The following HIVEP2 variants were observed in gnomAD, a reference collection of about 807,000 sequenced individuals.
HIVEP2 encodes transcription factor HIVEP2.
Under a neutral mutation model 180.7 loss-of-function variants are expected in HIVEP2, and 14 were observed. The ratio of observed to expected loss-of-function variants is 0.08; its 90% CI spans 0.05 to 0.12. HIVEP2 has a LOEUF of 0.12. Among genes scored for constraint, HIVEP2 ranks in the 10% least tolerant of loss-of-function variants. The probability of loss-of-function intolerance (pLI) is 1.00; values close to 1 mark genes in which losing one functional copy is unlikely to be tolerated. For synonymous variants in HIVEP2, 1,184 were observed against 1,136.4 expected (o/e 1.04, Z -0.84); for missense variants, 2,579 against 3,008.5 (o/e 0.86, Z 3.34).
At chr6:142,917,179 A>C (rs544782460) in intron 1 of HIVEP2, among the ~76,000 whole-genome samples, 1 of 152,376 alleles carries the variant, frequency 6.6e-6, no homozygotes, top group South Asian at 2.1e-4. Flanking sequence ...AAAACAAGTA[A>C]ATAAAATTTT....
intron 1 of HIVEP2, among the ~76,000 whole-genome samples, chr6:142,909,039 CTTGAAGAGCAG>C (rs1447997362): frequency 1.3e-5 from 2 of 152,052 alleles, no homozygotes; most frequent in Admixed American, 6.5e-5. Context: ...ATCTGAAACA[CTTGAAGAGCAG>C]GTGTATCATT....
At chr6:142,789,190 C>T (rs569548488) in intron 2 of HIVEP2, among the ~76,000 whole-genome samples, 15 of 145,078 alleles carry the variant, frequency 1.0e-4, no homozygotes, top group African/African-American at 3.9e-4. Context: ...TTCAAAAGTA[C>T]ACTAGCTTTT....
At chr6:142,776,930 G>C (rs1775716145) in intron 3 of HIVEP2, among the ~76,000 whole-genome samples, 1 of 152,114 alleles carries the variant, frequency 6.6e-6, no homozygotes, top group Admixed American at 6.5e-5. Flanking sequence ...AAGTGAAGGA[G>C]TCCTCTAGAT....
intron 3 of HIVEP2, among the ~76,000 whole-genome samples, chr6:142,781,502 C>T (rs550024102): frequency 6.6e-6 from 1 of 152,236 alleles, no homozygotes; most frequent in African/African-American, 2.4e-5. Flanking sequence ...TTTGGGTTTC[C>T]TGTGGATGCT....
chr6:142,778,762 G>A (rs1775767833), intron 3 of HIVEP2, among the ~76,000 whole-genome samples: 1 of 151,884 alleles, frequency 6.6e-6, no homozygotes, highest in Non-Finnish European at 1.5e-5. Flanking sequence ...ATCTAAATTT[G>A]GTGACTTCTA....
chr6:142,794,959 T>C (rs898475931), intron 2 of HIVEP2, among the ~76,000 whole-genome samples: 5 of 152,204 alleles, frequency 3.3e-5, no homozygotes, highest in Non-Finnish European at 7.3e-5. Context: ...TCATTTTCAG[T>C]GTCATTTTGA....
At chr6:142,861,049 T>C (rs540691432) in intron 1 of HIVEP2, among the ~76,000 whole-genome samples, 3 of 152,288 alleles carry the variant, frequency 2.0e-5, no homozygotes, top group Admixed American at 2.0e-4. Context: ...TCAGACAGTA[T>C]ACGAACATGC....
chr6:142,753,912 G>A lies in HIVEP2; in HGVS notation c.6536C>T (p.Pro2179Leu), dbSNP rs1774996207. 7.5e-6 allele frequency: 12 copies of A among 1,589,778 alleles called. No homozygotes were observed. Among genetic ancestry groups the A allele is most frequent in the South Asian group, 1.1e-5 (1 of 89,842 alleles). Residue 2179 changes from proline (P) to leucine (L), a missense_variant, in exon 10 of 10, where the codon CCT (proline) becomes CTT (leucine). This residue lies in a region of HIVEP2 where 660 missense variants were observed against 731.7 expected (regional missense o/e 0.90). Transcript: ENST00000367603. ...LGPPNLRRGL[P>L]QVPYFSLYGD... Reference sequence around the variant, plus strand: ...ATAGAGACTGAAGTAAGGAACCTGAGGTAATCCTCTTCTTAAATTCTGCGC... The same window carrying A: ...ATAGAGACTGAAGTAAGGAACCTGAAGTAATCCTCTTCTTAAATTCTGCGC...
Position 142,900,171 on chromosome 6 carries a change from T to C in HIVEP2, c.-641+44928A>G, listed in dbSNP as rs1219565269. ...GAGCAAAAATAAACGTTTTTCAGATTGTGCTCTCATTTCTAAGATGCAGGA... is the reference window on the plus strand; with the variant it reads ...GAGCAAAAATAAACGTTTTTCAGATCGTGCTCTCATTTCTAAGATGCAGGA... On this transcript the variant is annotated intron_variant, in intron 1 of 9. Transcript: ENST00000367603. Among the ~76,000 whole-genome samples, 7 of 152,210 alleles carry C rather than the reference T, an allele frequency of 4.6e-5. 1 individual carries two copies. The East Asian group carries it at 1.2e-3, about 25-fold the overall frequency.
chr6:142,912,971 T>C (rs891088908), intron 1 of HIVEP2, among the ~76,000 whole-genome samples: 4 of 152,198 alleles, frequency 2.6e-5, no homozygotes, highest in Non-Finnish European at 4.4e-5. Context: ...GAAGTGGGTA[T>C]GAAAATGTAC....
At chr6:142,768,339 G>A (rs1321102490) in intron 6 of HIVEP2, 43 bp downstream of exon 6, 3 of 1,577,164 alleles carry the variant, frequency 1.9e-6, no homozygotes, top group South Asian at 1.1e-5. Context: ...CATTTACTCT[G>A]ACCTATAACT....
chr6:142,845,242 C>T (rs894700493), intron 1 of HIVEP2, among the ~76,000 whole-genome samples: 1 of 152,180 alleles, frequency 6.6e-6, no homozygotes, highest in Non-Finnish European at 1.5e-5. Context: ...AGACTTCCTC[C>T]TCTGTGGGAA....
intron 2 of HIVEP2, among the ~76,000 whole-genome samples, chr6:142,823,966 T>C (rs913193057): frequency 1.3e-5 from 2 of 152,224 alleles, no homozygotes; most frequent in African/African-American, 4.8e-5. Context: ...ACATGTGATT[T>C]TGGATATTTT....
intron 1 of HIVEP2, among the ~76,000 whole-genome samples, chr6:142,853,092 T>A (rs931573646): frequency 2.6e-5 from 4 of 152,232 alleles, no homozygotes; most frequent in Non-Finnish European, 5.9e-5. Context: ...GGTAGCTAGA[T>A]CCATAGATTA....
intron 1 of HIVEP2, among the ~76,000 whole-genome samples, chr6:142,838,334 T>C (rs1399827920): frequency 6.6e-6 from 1 of 152,112 alleles, no homozygotes; most frequent in Non-Finnish European, 1.5e-5. Context: ...TCAAAAGACT[T>C]CTTCATTAAC....
intron 1 of HIVEP2, among the ~76,000 whole-genome samples, chr6:142,841,311 T>C (rs1775356174): frequency 6.6e-6 from 1 of 152,152 alleles, no homozygotes; most frequent in Admixed American, 6.5e-5. Flanking sequence ...TGTATTATAA[T>C]TTGTCTATTT....
intron 3 of HIVEP2, among the ~76,000 whole-genome samples, chr6:142,777,227 C>G (rs1031158586): frequency 6.6e-6 from 1 of 152,018 alleles, no homozygotes; most frequent in Non-Finnish European, 1.5e-5. Context: ...GTACAAGAAC[C>G]GCTTAAATAA....
intron 1 of HIVEP2, among the ~76,000 whole-genome samples, chr6:142,857,653 A>T (rs1775857524): frequency 6.6e-6 from 1 of 152,206 alleles, no homozygotes; most frequent in African/African-American, 2.4e-5. Context: ...TTTTTCTCCA[A>T]AACTTCAGAG....
chr6:142,802,368 G>A (rs1776434764), intron 2 of HIVEP2, among the ~76,000 whole-genome samples: 1 of 152,088 alleles, frequency 6.6e-6, no homozygotes, highest in Non-Finnish European at 1.5e-5. Flanking sequence ...CAAGGCCTGG[G>A]AAATGCAGTC....
Sources: allele counts gnomAD v4.1 joint callset (sites outside exome capture counted in the v4.1 genomes callset), GRCh38; gene constraint gnomAD v4.1.1; regional missense constraint gnomAD v4.1.1; transcripts MANE v1.5; gene names NCBI Gene and HGNC (gene_info 2026-07-23, HGNC 2026-07-21).